SYT9: variants seen among roughly 807,000 people sequenced by gnomAD.
SYT9 encodes synaptotagmin-9.
Under a neutral mutation model 48.4 loss-of-function variants are expected in SYT9, and 22 were observed. That is an observed-to-expected ratio of 0.45 (90% confidence interval 0.32 to 0.65). SYT9 has a LOEUF of 0.65. SYT9 is among the 30% of genes least tolerant of loss of function. SYT9 has a pLI of 0.03. For missense variants in SYT9, 577 were observed against 622.0 expected (o/e 0.93, Z 0.77); for synonymous variants, 265 against 245.0 (o/e 1.08, Z -0.76).
At chr11:7,419,695 G>C (rs573640693) in intron 5 of SYT9, among the ~76,000 whole-genome samples, 3 of 152,046 alleles carry the variant, frequency 2.0e-5, no homozygotes, top group Non-Finnish European at 4.4e-5. Flanking sequence ...TTAGGAGTTC[G>C]AGACCAGCCT....
At chr11:7,339,647 G>A (rs541970687) in intron 3 of SYT9, among the ~76,000 whole-genome samples, 45 of 152,098 alleles carry the variant, frequency 3.0e-4, no homozygotes, top group African/African-American at 1.0e-3. Context: ...CCTGGTTGAA[G>A]ATTTTTTTTT....
intron 3 of SYT9, among the ~76,000 whole-genome samples, chr11:7,320,543 A>G (rs1849319182): frequency 6.6e-6 from 1 of 152,236 alleles, no homozygotes; most frequent in South Asian, 2.1e-4. Flanking sequence ...TCTGAAAGTT[A>G]GATATTTAAT....
intron 1 of SYT9, among the ~76,000 whole-genome samples, chr11:7,274,317 CTTTTTTTT>C (rs576480483): frequency 8.0e-6 from 1 of 125,074 alleles, no homozygotes; most frequent in African/African-American, 3.1e-5. Context: ...TGAAGTTCAT[CTTTTTTTT>C]TTTTTTTTTT....
chr11:7,466,493 C>A (rs1848337424), intron 6 of SYT9, among the ~76,000 whole-genome samples: 1 of 152,104 alleles, frequency 6.6e-6, no homozygotes, highest in South Asian at 2.1e-4. Context: ...GAGGCCGAGG[C>A]AGGCAGATCA....
At chr11:7,273,164 G>C (rs753315986) in intron 1 of SYT9, among the ~76,000 whole-genome samples, 1 of 152,116 alleles carries the variant, frequency 6.6e-6, no homozygotes, top group Non-Finnish European at 1.5e-5. Flanking sequence ...GTAAGAGCAG[G>C]TAGAGGGAAT....
chr11:7,350,767 T>C (rs1382351087), intron 3 of SYT9, among the ~76,000 whole-genome samples: 1 of 152,236 alleles, frequency 6.6e-6, no homozygotes, highest in Non-Finnish European at 1.5e-5. Flanking sequence ...GCATGATTTT[T>C]CCAGAAGACG....
At chr11:7,299,908 C>T (rs374160990) in intron 1 of SYT9, among the ~76,000 whole-genome samples, 6 of 152,218 alleles carry the variant, frequency 3.9e-5, no homozygotes, top group African/African-American at 1.4e-4. Flanking sequence ...GCTATCTATG[C>T]CAAGTGAATC....
intron 3 of SYT9, among the ~76,000 whole-genome samples, chr11:7,362,551 T>C (rs1850162224): frequency 1.3e-5 from 2 of 152,170 alleles, no homozygotes; most frequent in African/African-American, 4.8e-5. Context: ...CCAAACCCAA[T>C]TGAAATTCCA....
chr11:7,452,678 T>C (rs532495559), intron 6 of SYT9, among the ~76,000 whole-genome samples: 110 of 152,196 alleles, frequency 7.2e-4, no homozygotes, highest in Non-Finnish European at 1.3e-3. Flanking sequence ...ATAAATTCCA[T>C]ACAAGATAGC....
chr11:7,396,833 T>G (rs1846764196), intron 3 of SYT9, among the ~76,000 whole-genome samples: 1 of 152,150 alleles, frequency 6.6e-6, no homozygotes, highest in Admixed American at 6.5e-5. Flanking sequence ...GTAAGTAGAT[T>G]TAGATCTTTT....
chr11:7,457,865 T>TG (rs1215941215), intron 6 of SYT9: 2 of 152,226 alleles, frequency 1.3e-5, no homozygotes, highest in Non-Finnish European at 2.9e-5. Context: ...CCTGCAAGCC[T>TG]GGGGTCACTA....
intron 6 of SYT9, among the ~76,000 whole-genome samples, chr11:7,432,582 AATATATATACATATATATATATATAT>A (rs1847620322): frequency 4.0e-3 from 14 of 3,506 alleles, no homozygotes; most frequent in Admixed American, 0.015. Flanking sequence ...AAAAAAAAAA[AATATATATACATATATATATATATAT>A]ATATATATAT....
intron 6 of SYT9, among the ~76,000 whole-genome samples, chr11:7,420,958 T>C (rs12798943): frequency 0.46 from 69,227 of 151,992 alleles, 19,025 homozygotes; most frequent in Non-Finnish European, 0.6. Context: ...AGTGGGGACT[T>C]TCAGGCCTTC....
intron 3 of SYT9, among the ~76,000 whole-genome samples, chr11:7,392,620 G>C (rs1846652095): frequency 6.6e-6 from 1 of 152,034 alleles, no homozygotes; most frequent in Admixed American, 6.6e-5. Context: ...TTTTAGAATA[G>C]CTTTTTCTAA....
Position 7,423,731 on chromosome 11 carries a change from G to A in SYT9, c.1467+3096G>A, listed in dbSNP as rs531157320. 9.9e-5 allele frequency among the ~76,000 whole-genome samples: 15 copies of A among 152,152 alleles called. No homozygotes were observed. The East Asian group carries it at 2.5e-3, about 25-fold the overall frequency. ...TGTCATGGAGAATAAGAGAAAGGCCGGGAATCCACCACTCCTGCACCCCAG... is the reference window on the plus strand; with the variant it reads ...TGTCATGGAGAATAAGAGAAAGGCCAGGAATCCACCACTCCTGCACCCCAG... On this transcript the variant is annotated intron_variant, in intron 6 of 6. Transcript: ENST00000318881.
At chr11:7,331,966 T>C (rs545675872) in intron 3 of SYT9, among the ~76,000 whole-genome samples, 1 of 152,148 alleles carries the variant, frequency 6.6e-6, no homozygotes, top group Non-Finnish European at 1.5e-5. Flanking sequence ...ATAGTAAAAT[T>C]ATTTTTGAGT....
intron 1 of SYT9, among the ~76,000 whole-genome samples, chr11:7,258,244 G>C (rs56086121): frequency 0.12 from 18,331 of 152,224 alleles, 1,152 homozygotes; most frequent in East Asian, 0.23. Context: ...AGCTTAGTGA[G>C]AGGCATAAAT....
chr11:7,448,252 A>G (rs1847972513), intron 6 of SYT9, among the ~76,000 whole-genome samples: 1 of 152,270 alleles, frequency 6.6e-6, no homozygotes, highest in Admixed American at 6.5e-5. Flanking sequence ...GAAGGGCTTC[A>G]GAGCCATCTG....
intron 6 of SYT9, chr11:7,454,345 T>C (rs1231517957): frequency 1.0e-6 from 1 of 977,274 alleles, no homozygotes; most frequent in East Asian, 1.1e-4. Context: ...TCTGCTGCAC[T>C]CCAGGCTTCT....
Sources: allele counts gnomAD v4.1 joint callset (sites outside exome capture counted in the v4.1 genomes callset), GRCh38; gene constraint gnomAD v4.1.1; transcripts MANE v1.5; gene names NCBI Gene and HGNC (gene_info 2026-07-23, HGNC 2026-07-21).